Variants in RPS6KC1 observed in about 807,000 individuals in gnomAD.
RPS6KC1 encodes inactive ribosomal protein S6 kinase delta-1.
Under a neutral mutation model 103.8 loss-of-function variants are expected in RPS6KC1, and 54 were observed. The ratio of observed to expected loss-of-function variants is 0.52; its 90% CI spans 0.42 to 0.65. The LOEUF is 0.65. RPS6KC1 is among the 30% of genes least tolerant of loss of function. The pLI is 0.00. For missense variants in RPS6KC1, 1,151 were observed against 1,253.8 expected, an observed-to-expected ratio of 0.92 and a Z score of 1.24; for synonymous variants, 439 against 438.7, an observed-to-expected ratio of 1.00 and a Z score of -0.01.
At chr1:213,840,338 A>C in the RPS6KC1 span, 1 of 152,176 alleles carries the variant, frequency 6.6e-6, no homozygotes, top group Admixed American at 6.5e-5. Context: ...TCATTCTTCT[A>C]CACTCAGTAT....
chr1:213,377,314 T>G, the RPS6KC1 span, among the ~76,000 whole-genome samples: 1 of 152,202 alleles, frequency 6.6e-6, no homozygotes, highest in Non-Finnish European at 1.5e-5. Context: ...GTAAAAATCA[T>G]GACCTACTCT....
At chr1:213,281,423 A>G in the RPS6KC1 span, among the ~76,000 whole-genome samples, 98 of 152,314 alleles carry the variant, frequency 6.4e-4, no homozygotes, top group African/African-American at 2.2e-3. Flanking sequence ...ACCTAATGTG[A>G]TTAGGGCAGG....
chr1:213,230,530 A>T lies in RPS6KC1; in HGVS notation c.1078A>T (p.Thr360Ser). Reference sequence around the variant, plus strand: ...TGTAATGGACACAAGGACAGAACAGACTTTCATTTTAAAAGTAAGTAAAAT... The same window carrying T: ...TGTAATGGACACAAGGACAGAACAGTCTTTCATTTTAAAAGTAAGTAAAAT... ...LLVMDTRTEQ[T>S]FILKGLRKSS... Residue 360 changes from threonine to serine, a missense_variant, in exon 9 of 15, where the codon ACT (threonine) becomes TCT (serine). This residue lies in a region of RPS6KC1 where 959 missense variants were observed against 1,006.3 expected (regional missense o/e 0.95). Coordinates refer to ENST00000366960, the MANE Select transcript of RPS6KC1 (RefSeq NM_012424.6). 6.2e-7 allele frequency: 1 copy of T among 1,605,354 alleles called. No individual in the cohort carries two copies. Among genetic ancestry groups the T allele is most frequent in the Non-Finnish European group, 8.5e-7 (1 of 1,175,584 alleles).
the RPS6KC1 span, among the ~76,000 whole-genome samples, chr1:213,472,563 T>C: frequency 1.3e-5 from 2 of 152,142 alleles, no homozygotes; most frequent in African/African-American, 4.8e-5. Flanking sequence ...TCTACAATAG[T>C]TTTTAGGGCC....
the RPS6KC1 span, among the ~76,000 whole-genome samples, chr1:213,469,697 G>A: frequency 7.8e-6 from 1 of 128,756 alleles, no homozygotes; most frequent in Non-Finnish European, 1.7e-5. Flanking sequence ...ATGTGTCTCT[G>A]AAGACAAACA....
chr1:213,766,940 G>A, the RPS6KC1 span, among the ~76,000 whole-genome samples: 2 of 151,970 alleles, frequency 1.3e-5, no homozygotes, highest in African/African-American at 4.8e-5. Flanking sequence ...CCAGAACCCC[G>A]GTTTTTATAT....
At chr1:213,290,571 T>C in the RPS6KC1 span, among the ~76,000 whole-genome samples, 1 of 152,180 alleles carries the variant, frequency 6.6e-6, no homozygotes, top group South Asian at 2.1e-4. Flanking sequence ...CAGCCTATTC[T>C]CTTTCCAAAC....
the RPS6KC1 span, among the ~76,000 whole-genome samples, chr1:213,318,695 G>A: frequency 6.6e-6 from 1 of 152,216 alleles, no homozygotes; most frequent in South Asian, 2.1e-4. Context: ...GGCAAAGAGA[G>A]AGCTTGTGCA....
the RPS6KC1 span, among the ~76,000 whole-genome samples, chr1:213,733,545 T>TG: frequency 0.054 from 3,632 of 67,624 alleles, 83 homozygotes; most frequent in African/African-American, 0.12. Flanking sequence ...CTATTTTTAG[T>TG]TTGTTTTTTT....
the RPS6KC1 span, among the ~76,000 whole-genome samples, chr1:213,650,798 T>G: frequency 6.6e-6 from 1 of 151,978 alleles, no homozygotes; most frequent in Non-Finnish European, 1.5e-5. Flanking sequence ...ATCAATAAGC[T>G]AAACAGACAG....
chr1:213,751,697 G>A, the RPS6KC1 span, among the ~76,000 whole-genome samples: 3 of 152,190 alleles, frequency 2.0e-5, no homozygotes, highest in African/African-American at 7.2e-5. Context: ...GGCTTATGAA[G>A]TTTCATCACT....
the RPS6KC1 span, among the ~76,000 whole-genome samples, chr1:213,710,796 A>C: frequency 6.6e-6 from 1 of 152,146 alleles, no homozygotes; most frequent in African/African-American, 2.4e-5. Flanking sequence ...GCTGGATATA[A>C]AATTCTGGGT....
chr1:213,143,588 T>G (rs1367486981), intron 6 of RPS6KC1, among the ~76,000 whole-genome samples: 1 of 152,022 alleles, frequency 6.6e-6, no homozygotes, highest in Non-Finnish European at 1.5e-5. Flanking sequence ...CCATAAAGTA[T>G]TTGTTTAGCT....
chr1:213,753,895 G>A, the RPS6KC1 span, among the ~76,000 whole-genome samples: 1 of 152,320 alleles, frequency 6.6e-6, no homozygotes, highest in African/African-American at 2.4e-5. Context: ...TGATGTGCCA[G>A]TTGAGGGGAT....
the RPS6KC1 span, among the ~76,000 whole-genome samples, chr1:213,359,900 C>G: frequency 6.6e-6 from 1 of 152,206 alleles, no homozygotes; most frequent in Admixed American, 6.5e-5. Context: ...TCTCTTGTGG[C>G]TTGTAGAGTT....
At chr1:213,657,983 TGA>T in the RPS6KC1 span, among the ~76,000 whole-genome samples, 1 of 152,198 alleles carries the variant, frequency 6.6e-6, no homozygotes, top group African/African-American at 2.4e-5. Context: ...AGCCACATAC[TGA>T]GGTACTGTGA....
At chr1:213,338,458 TAGTTTTGG>T in the RPS6KC1 span, among the ~76,000 whole-genome samples, 2 of 152,240 alleles carry the variant, frequency 1.3e-5, no homozygotes, top group African/African-American at 4.8e-5. Context: ...TGAGGCTTAG[TAGTTTTGG>T]AGTGAGCTAT....
At chr1:213,124,032 C>T (rs2084697390) in intron 5 of RPS6KC1, among the ~76,000 whole-genome samples, 1 of 152,116 alleles carries the variant, frequency 6.6e-6, no homozygotes, top group Admixed American at 6.6e-5. Flanking sequence ...TACTGCCCTA[C>T]TCTGAGCAGT....
In RPS6KC1 at chr1:213,131,661, C is replaced by G. The variant is rs140388064; in HGVS notation, c.835+1772C>G. On this transcript the variant is annotated intron_variant, in intron 6 of 14. Transcript: ENST00000366960. ...GTTTCACCATGTTTGCCAGGCTGGT[C>G]TCGAACTACTGACCTCAGGTGATCT... Among the ~76,000 whole-genome samples the G allele has an allele frequency of 6.4e-3, 975 of 152,292 alleles. 4 individuals carry two copies. The highest frequency in any genetic ancestry group is 0.037 in the Middle Eastern group (11 of 294).
Sources: gnomAD v4.1 joint callset for allele counts (sites outside exome capture counted in the v4.1 genomes callset) on GRCh38, gnomAD v4.1.1 for gene constraint, gnomAD v4.1.1 regional missense constraint, MANE v1.5 for transcripts, NCBI Gene and HGNC (gene_info 2026-07-23, HGNC 2026-07-21) for gene names.